DMC1: variants seen among roughly 807,000 people sequenced by gnomAD.
DMC1 encodes meiotic recombination protein DMC1 homolog.
DMC1 carries 27 observed loss-of-function variants against 50.1 expected under a neutral mutation model. That is an observed-to-expected ratio of 0.54 (90% CI 0.40 to 0.74). The LOEUF (loss-of-function observed/expected upper bound fraction) is 0.74. Ranked by LOEUF, DMC1 falls within the 30% of genes least tolerant of loss-of-function variation. DMC1 has a pLI of 0.00. For missense variants in DMC1, 295 were observed against 420.2 expected, an observed-to-expected ratio of 0.70 and a Z score of 2.60; for synonymous variants, 148 against 136.1, an observed-to-expected ratio of 1.09 and a Z score of -0.61.
At chr22:38,552,905 T>G (rs887180744) in intron 6 of DMC1, among the ~76,000 whole-genome samples, 198 bp from the exon 7 acceptor site, 4 of 151,884 alleles carry the variant, frequency 2.6e-5, no homozygotes, top group Admixed American at 2.6e-4. Flanking sequence ...TGGAGTGCAG[T>G]GGCACGATCT....
intron 9 of DMC1, 61 bp downstream of exon 9, chr22:38,539,260 T>C (rs1198605306): frequency 5.3e-6 from 6 of 1,140,680 alleles, no homozygotes; most frequent in South Asian, 2.5e-5. Flanking sequence ...ATCCCTCAAG[T>C]AGTAAATCAG....
chr22:38,537,071 T>C (rs1032352259), intron 12 of DMC1, among the ~76,000 whole-genome samples: 1 of 152,118 alleles, frequency 6.6e-6, no homozygotes, highest in African/African-American at 2.4e-5. Flanking sequence ...AGGCTGGTCT[T>C]GAACTCCTGA....
downstream of DMC1, among the ~76,000 whole-genome samples, chr22:38,517,540 G>T (rs146624940): frequency 6.6e-6 from 1 of 152,168 alleles, no homozygotes; most frequent in African/African-American, 2.4e-5. Flanking sequence ...TTGCACTCCA[G>T]CCTGGGCAAC....
chr22:38,538,461 C>T lies in DMC1; in HGVS notation c.661-52G>A, dbSNP rs752982276. 58 of 1,604,530 alleles carry T rather than the reference C, an allele frequency of 3.6e-5. 1 individual carries two copies. In the Admixed American group the frequency reaches 4.3e-4, roughly 12 times the overall value. On this transcript the variant is annotated intron_variant, in intron 10 of 13. Coordinates refer to ENST00000216024, the MANE Select transcript of DMC1 (RefSeq NM_007068.4). Reference sequence around the variant, plus strand: ...CATGCATTTGGAAATTGAAGGAAGACGTTATTTGAATAGAGATCAATAGAA... The same window carrying T: ...CATGCATTTGGAAATTGAAGGAAGATGTTATTTGAATAGAGATCAATAGAA...
chr22:38,513,548 ATCTCTT>A, the DMC1 span, among the ~76,000 whole-genome samples: 376 of 152,094 alleles, frequency 2.5e-3, 1 homozygote, highest in African/African-American at 8.5e-3. Flanking sequence ...CTTGTATCTA[ATCTCTT>A]TCTCTTTCTC....
At chr22:38,566,465 G>A (rs906225037) in intron 4 of DMC1, 125 bp downstream of exon 4, 2 of 984,830 alleles carry the variant, frequency 2.0e-6, no homozygotes, top group Non-Finnish European at 3.1e-6. Flanking sequence ...TTAACATGGG[G>A]AGTATAATAT....
intron 8 of DMC1, among the ~76,000 whole-genome samples, chr22:38,541,085 C>T (rs2090275922): frequency 6.6e-6 from 1 of 151,906 alleles, no homozygotes; most frequent in South Asian, 2.1e-4. Context: ...TGAAGAAACT[C>T]CCTAGGTCTC....
chr22:38,569,623 C>T (rs1442393928), intron 1 of DMC1, among the ~76,000 whole-genome samples: 1 of 152,200 alleles, frequency 6.6e-6, no homozygotes, highest in Non-Finnish European at 1.5e-5. Flanking sequence ...GATTGTCCCC[C>T]ATCTCTCAAG....
At chr22:38,538,668 GATC>G (rs981328386) in intron 9 of DMC1, 56 bp from the exon 10 acceptor site, 2 of 1,437,364 alleles carry the variant, frequency 1.4e-6, no homozygotes, top group African/African-American at 2.8e-5. Flanking sequence ...CAGAGGCTAA[GATC>G]ATTCATATTC....
intron 8 of DMC1, among the ~76,000 whole-genome samples, chr22:38,545,454 G>A (rs964905847): frequency 3.3e-4 from 50 of 151,612 alleles, no homozygotes; most frequent in African/African-American, 9.7e-4. Flanking sequence ...ATGGAGTCTC[G>A]CTCTGTCGCC....
chr22:38,553,124 A>G (rs1434745519), intron 6 of DMC1, among the ~76,000 whole-genome samples: 3 of 151,518 alleles, frequency 2.0e-5, no homozygotes, highest in Non-Finnish European at 2.9e-5. Flanking sequence ...CTGGGATTAC[A>G]GGTGTGAGCC....
chr22:38,566,236 T>C (rs1352035812), intron 4 of DMC1, among the ~76,000 whole-genome samples: 1 of 143,736 alleles, frequency 7.0e-6, no homozygotes, highest in Non-Finnish European at 1.5e-5. Flanking sequence ...ATCACGCCAC[T>C]GCACTCTGGC....
At chr22:38,516,864 C>T (rs1260837245), downstream of DMC1, among the ~76,000 whole-genome samples, 2 of 152,124 alleles carry the variant, frequency 1.3e-5, no homozygotes, top group African/African-American at 2.4e-5. Flanking sequence ...GTCTCACTGT[C>T]GCCCAGGCTG....
At position 38,566,665 on chromosome 22, in the gene DMC1, T is replaced by C. The variant is rs751840928; in HGVS notation, c.168A>G (p.Arg56=). The C allele has an allele frequency of 6.2e-7, 1 of 1,613,830 alleles. No homozygotes were observed. Among genetic ancestry groups the C allele is most frequent in the Non-Finnish European group, 8.5e-7 (1 of 1,179,658 alleles). ...GTCCTTTGACATTGCATAGAGCTCT[T>C]CTTGTTGTCATCTGTATACCTTTGA... ...CTIKGIQMTT[R]RALCNVKGLS... is the part of the protein sequence containing the mutation. The change falls in exon 4 of 14, where the codon AGA becomes AGG. Residue 56 remains arginine (R), a synonymous_variant. Transcript: ENST00000216024.
chr22:38,531,385 G>C (rs1444303805), intron 12 of DMC1, among the ~76,000 whole-genome samples: 1 of 151,898 alleles, frequency 6.6e-6, no homozygotes, highest in Non-Finnish European at 1.5e-5. Context: ...TTTTTAATAA[G>C]ATGTGCAATC....
chr22:38,561,196 A>G (rs566083419), intron 5 of DMC1, among the ~76,000 whole-genome samples: 184 of 141,080 alleles, frequency 1.3e-3, no homozygotes, highest in African/African-American at 4.7e-3. Flanking sequence ...TTTTTTTTGT[A>G]GAGACAAGGT....
intron 7 of DMC1, among the ~76,000 whole-genome samples, chr22:38,550,723 G>C (rs544509560): frequency 3.9e-4 from 59 of 150,962 alleles, no homozygotes; most frequent in Non-Finnish European, 6.2e-4. Context: ...TTGAGGTCAA[G>C]GGTTCAAGAC....
At position 38,520,071 on chromosome 22, in the gene DMC1, A is replaced by G. The variant is rs200035073; in HGVS notation, c.972T>C (p.Asn324=). 4.6e-5 allele frequency: 75 copies of G among 1,613,356 alleles called. No individual in the cohort carries two copies. Among genetic ancestry groups the G allele is most frequent in the Non-Finnish European group, 5.3e-5 (63 of 1,179,474 alleles). ...CAGCAGTTATTGCGAAGGTGGCTTC[A>G]TTTTCAGGCATCTCAGGACTAACAG... ...KIYDSPEMPE[N]EATFAITAGG... is the part of the protein sequence containing the mutation. Residue 324 remains asparagine, a synonymous_variant, in exon 14 of 14, where the codon AAT becomes AAC. Coordinates refer to ENST00000216024, the MANE Select transcript of DMC1 (RefSeq NM_007068.4).
At chr22:38,542,063 C>T (rs564881638) in intron 8 of DMC1, among the ~76,000 whole-genome samples, 6 of 146,820 alleles carry the variant, frequency 4.1e-5, no homozygotes, top group Middle Eastern at 3.4e-3. Context: ...GAACATAACC[C>T]AACATAAAAA....
Sources: gnomAD v4.1 joint callset for allele counts (sites outside exome capture counted in the v4.1 genomes callset) on GRCh38, gnomAD v4.1.1 for gene constraint, MANE v1.5 for transcripts, NCBI Gene and HGNC (gene_info 2026-07-23, HGNC 2026-07-21) for gene names.